The following GRM1 variants were observed in gnomAD, a reference collection of about 807,000 sequenced individuals.
GRM1 encodes the protein glutamate metabotropic receptor 1, also known as metabotropic glutamate receptor 1.
A neutral mutation model predicts 90.9 loss-of-function variants in GRM1; 33 were observed. The observed-to-expected ratio is 0.36, with a 90% CI of 0.28 to 0.49. The LOEUF (loss-of-function observed/expected upper bound fraction) is 0.49. GRM1 is among the 20% of genes least tolerant of loss of function. GRM1 has a pLI of 0.99. For synonymous variants in GRM1, 700 were observed against 613.2 expected (o/e 1.14, Z -2.09); for missense variants, 1,190 against 1,534.3 (o/e 0.78, Z 3.75).
intron 1 of GRM1, 139 bp downstream of exon 1, chr6:146,030,356 A>C (rs1790661464): frequency 4.2e-6 from 3 of 718,124 alleles, no homozygotes; most frequent in Non-Finnish European, 7.5e-6. Context: ...CTGCCCACCC[A>C]GGCATTGCCT....
chr6:146,218,998 AT>A (rs1027351133), intron 2 of GRM1, among the ~76,000 whole-genome samples: 7 of 152,142 alleles, frequency 4.6e-5, no homozygotes, highest in Admixed American at 2.6e-4. Flanking sequence ...GAAGAGCTAA[AT>A]TATGTTATGT....
chr6:146,231,529 G>T (rs1421462809), intron 2 of GRM1, among the ~76,000 whole-genome samples: 1 of 151,998 alleles, frequency 6.6e-6, no homozygotes, highest in African/African-American at 2.4e-5. Flanking sequence ...GGAAATGCAA[G>T]AAATCAAAGG....
In GRM1 at chr6:146,436,568, C is replaced by T. The variant is rs1778599666; in HGVS notation, c.*1772C>T. 2 of 152,092 alleles carry T rather than the reference C, an allele frequency of 1.3e-5. No homozygotes were observed. Among genetic ancestry groups the T allele is most frequent in the South Asian group, 2.1e-4 (1 of 4,822 alleles). The allele number at this position is 152,092 out of a possible 1,614,324, so 9.4% of individuals were successfully genotyped here. On this transcript the variant is annotated 3_prime_UTR_variant, in exon 8 of 8. Coordinates refer to ENST00000282753, the MANE Select transcript of GRM1 (RefSeq NM_001278064.2). The stretch of plus-strand genomic sequence containing the variant: ...TTTGCCTTCTTTTAATTTTTATGTT[C>T]ATGGACTTTTATTCCTGTGTCTTGG...
chr6:146,314,738 T>G (rs959451250), intron 3 of GRM1, among the ~76,000 whole-genome samples: 10 of 152,208 alleles, frequency 6.6e-5, no homozygotes, highest in African/African-American at 2.4e-4. Flanking sequence ...CATTCCATTT[T>G]TTTTTTATTT....
chr6:146,246,707 C>T (rs1401384646), intron 2 of GRM1, among the ~76,000 whole-genome samples: 2 of 151,820 alleles, frequency 1.3e-5, no homozygotes, highest in Admixed American at 6.6e-5. Flanking sequence ...TTTTTAAATC[C>T]AATACATGAA....
intron 7 of GRM1, among the ~76,000 whole-genome samples, chr6:146,411,115 G>A (rs1777551131): frequency 6.6e-6 from 1 of 152,184 alleles, no homozygotes; most frequent in Admixed American, 6.5e-5. Flanking sequence ...AGTAGACTGG[G>A]CATTGAACAA....
At chr6:146,266,179 C>G (rs1470572951) in intron 2 of GRM1, among the ~76,000 whole-genome samples, 1 of 151,656 alleles carries the variant, frequency 6.6e-6, no homozygotes, top group Non-Finnish European at 1.5e-5. Context: ...CAGAACAAGA[C>G]TCTGTCTTAA....
chr6:146,266,007 G>A (rs1583244018), intron 2 of GRM1, among the ~76,000 whole-genome samples: 1 of 152,240 alleles, frequency 6.6e-6, no homozygotes, highest in East Asian at 1.9e-4. Context: ...TGGCCAACAT[G>A]GTGAAACCCT....
chr6:146,302,182 C>T lies in GRM1; in HGVS notation c.951-2429C>T, dbSNP rs181049231. On this transcript the variant is annotated intron_variant, in intron 2 of 7. Transcript: ENST00000282753. ...ATACCAAACCCTCCCCTTCTCCTCA[C>T]CTGACTAAGCCTGACTCCTCTTTTG... Among the ~76,000 whole-genome samples, 264 of 151,628 alleles carry T rather than the reference C, an allele frequency of 1.7e-3. 2 individuals are homozygous for T. The highest frequency in any genetic ancestry group is 5.9e-3 in the African/African-American group (242 of 41,314).
chr6:146,106,440 C>T (rs1441852672), intron 1 of GRM1, among the ~76,000 whole-genome samples: 6 of 152,146 alleles, frequency 3.9e-5, no homozygotes, highest in Non-Finnish European at 5.9e-5. Context: ...ACAGTACTCC[C>T]CAAACAAACT....
At chr6:146,092,656 T>C (rs1443145920) in intron 1 of GRM1, among the ~76,000 whole-genome samples, 2 of 151,988 alleles carry the variant, frequency 1.3e-5, no homozygotes, top group African/African-American at 2.4e-5. Context: ...ACTGAATTTA[T>C]CCATCTTGTC....
At chr6:146,317,525 C>T (rs529284424) in intron 3 of GRM1, among the ~76,000 whole-genome samples, 9 of 152,196 alleles carry the variant, frequency 5.9e-5, no homozygotes, top group African/African-American at 1.9e-4. Flanking sequence ...TAGGAACCCC[C>T]CTACTTTTTG....
At chr6:146,217,539 A>G (rs895423116) in intron 2 of GRM1, among the ~76,000 whole-genome samples, 1 of 152,224 alleles carries the variant, frequency 6.6e-6, no homozygotes, top group Non-Finnish European at 1.5e-5. Context: ...ATGCTCTCAT[A>G]ATATTTAGAA....
intron 7 of GRM1, among the ~76,000 whole-genome samples, chr6:146,410,703 G>C (rs76507042): frequency 0.013 from 1,938 of 152,178 alleles, 48 homozygotes; most frequent in African/African-American, 0.045. Flanking sequence ...GGGGGTTAAG[G>C]TGGAGGAAGT....
intron 2 of GRM1, among the ~76,000 whole-genome samples, chr6:146,166,702 A>G (rs1376338839): frequency 6.6e-6 from 1 of 152,136 alleles, no homozygotes. Context: ...TTATGAGTCT[A>G]GAGTTGCCTG....
At chr6:146,152,832 C>A (rs946816891) in intron 1 of GRM1, among the ~76,000 whole-genome samples, 9 of 152,134 alleles carry the variant, frequency 5.9e-5, no homozygotes, top group Non-Finnish European at 1.5e-5. Context: ...AGCTCTCTAC[C>A]AGCCCTGAGT....
intron 5 of GRM1, among the ~76,000 whole-genome samples, chr6:146,385,410 T>C (rs1309893048): frequency 6.6e-6 from 1 of 151,944 alleles, no homozygotes; most frequent in Non-Finnish European, 1.5e-5. Context: ...CATAACATGC[T>C]GAAATAGAAT....
intron 2 of GRM1, among the ~76,000 whole-genome samples, chr6:146,266,877 G>T (rs1268200871): frequency 6.6e-6 from 1 of 152,208 alleles, no homozygotes; most frequent in East Asian, 1.9e-4. Context: ...AACAGGATTT[G>T]TTTTTAATTT....
intron 2 of GRM1, among the ~76,000 whole-genome samples, chr6:146,166,959 A>C (rs1342589048): frequency 6.6e-6 from 1 of 152,102 alleles, no homozygotes; most frequent in Admixed American, 6.6e-5. Context: ...TTATGTGTTT[A>C]TTTGATGGAT....
Sources: gnomAD v4.1 joint callset for allele counts (sites outside exome capture counted in the v4.1 genomes callset) on GRCh38, gnomAD v4.1.1 for gene constraint, MANE v1.5 for transcripts, NCBI Gene and HGNC (gene_info 2026-07-23, HGNC 2026-07-21) for gene names.